The following PCCA variants were observed in gnomAD, a reference collection of about 807,000 sequenced individuals.
PCCA encodes the protein propionyl-CoA carboxylase subunit alpha, also known as propionyl-CoA carboxylase alpha chain, mitochondrial.
PCCA carries 74 observed loss-of-function variants against 101.3 expected under a neutral mutation model. The ratio of observed to expected loss-of-function variants is 0.73; its 90% CI spans 0.61 to 0.89. The LOEUF (loss-of-function observed/expected upper bound fraction) is 0.89, where lower values mean the gene tolerates loss of function less well. Ranked by LOEUF, PCCA falls within the 40% of genes least tolerant of loss-of-function variation. The pLI is 0.00. For synonymous variants in PCCA, 294 were observed against 313.6 expected (o/e 0.94, Z 0.66); for missense variants, 891 against 907.0 (o/e 0.98, Z 0.23).
chr13:100,289,470 C>G (rs1454379864), intron 12 of PCCA, among the ~76,000 whole-genome samples: 2 of 152,096 alleles, frequency 1.3e-5, no homozygotes, highest in African/African-American at 2.4e-5. Context: ...TTCTAAGAAC[C>G]TAATCCAACA....
At chr13:100,209,723 C>G (rs2059093535) in intron 7 of PCCA, among the ~76,000 whole-genome samples, 1 of 150,584 alleles carries the variant, frequency 6.6e-6, no homozygotes. Context: ...CCTCTGCCTC[C>G]TGGGTTCAAG....
chr13:100,121,303 A>T (rs905999542), intron 4 of PCCA, among the ~76,000 whole-genome samples: 2 of 151,432 alleles, frequency 1.3e-5, no homozygotes, highest in African/African-American at 4.9e-5. Flanking sequence ...GGTTACAGGC[A>T]TGCGCCACCA....
chr13:100,171,277 A>G (rs2055607478), intron 6 of PCCA, among the ~76,000 whole-genome samples: 1 of 152,240 alleles, frequency 6.6e-6, no homozygotes, highest in Non-Finnish European at 1.5e-5. Flanking sequence ...GTAAATATTG[A>G]TATATACAAC....
intron 18 of PCCA, among the ~76,000 whole-genome samples, chr13:100,357,478 C>T (rs1257231074): frequency 2.0e-5 from 3 of 152,092 alleles, no homozygotes; most frequent in East Asian, 1.9e-4. Context: ...TATGTGAACC[C>T]GCGTTCTTCC....
intron 17 of PCCA, 91 bp downstream of exon 17, chr13:100,330,762 G>T: frequency 3.8e-6 from 3 of 785,738 alleles, no homozygotes; most frequent in East Asian, 2.7e-5. Context: ...TGAAATTAAG[G>T]CCTTTTGGCT....
intron 12 of PCCA, among the ~76,000 whole-genome samples, chr13:100,296,129 G>A (rs1459928458): frequency 1.3e-5 from 2 of 152,160 alleles, no homozygotes; most frequent in Non-Finnish European, 2.9e-5. Context: ...AACATAGTGG[G>A]AGGATTCTGA....
At chr13:100,133,589 G>GT (rs1043421903) in intron 4 of PCCA, among the ~76,000 whole-genome samples, 9 of 150,968 alleles carry the variant, frequency 6.0e-5, no homozygotes, top group Non-Finnish European at 8.9e-5. Context: ...TTTGTTTTTT[G>GT]TTTTTTTGCA....
chr13:100,226,937 G>T (rs895036294), intron 7 of PCCA, among the ~76,000 whole-genome samples: 5 of 152,194 alleles, frequency 3.3e-5, no homozygotes, highest in African/African-American at 1.2e-4. Flanking sequence ...ATACCAGAGA[G>T]GCACTCTAGT....
chr13:100,198,516 T>C (rs892777738), intron 6 of PCCA: 2 of 148,790 alleles, frequency 1.3e-5, no homozygotes, highest in Admixed American at 6.6e-5. Context: ...TCATTCATTT[T>C]TGAGACGAGT....
intron 20 of PCCA, among the ~76,000 whole-genome samples, chr13:100,441,772 C>T (rs2080385284): frequency 6.6e-6 from 1 of 152,092 alleles, no homozygotes. Context: ...TTGCTATTAG[C>T]ATATCAAGTG....
chr13:100,469,661 A>G (rs2082835367), intron 21 of PCCA, among the ~76,000 whole-genome samples: 1 of 151,828 alleles, frequency 6.6e-6, no homozygotes, highest in Admixed American at 6.6e-5. Context: ...CTGTAGTCTC[A>G]GCTACTCACT....
intron 7 of PCCA, among the ~76,000 whole-genome samples, chr13:100,230,932 G>T (rs1343581693): frequency 6.6e-6 from 1 of 152,068 alleles, no homozygotes; most frequent in African/African-American, 2.4e-5. Flanking sequence ...TCATTTCCTT[G>T]CTCTGAGGCT....
At chr13:100,438,858 C>G (rs778002647) in intron 20 of PCCA, among the ~76,000 whole-genome samples, 2 of 152,124 alleles carry the variant, frequency 1.3e-5, no homozygotes, top group Non-Finnish European at 2.9e-5. Context: ...CAAATGTTGT[C>G]ATTTCAACAT....
At chr13:100,301,944 G>A (rs2066093583) in intron 13 of PCCA, among the ~76,000 whole-genome samples, 1 of 152,104 alleles carries the variant, frequency 6.6e-6, no homozygotes, top group Non-Finnish European at 1.5e-5. Flanking sequence ...ACACTAACAA[G>A]AAGTAGCATT....
intron 20 of PCCA, among the ~76,000 whole-genome samples, chr13:100,427,334 A>G (rs375150775): frequency 4.6e-5 from 7 of 152,236 alleles, no homozygotes; most frequent in African/African-American, 9.6e-5. Context: ...TCAGAGGGAC[A>G]TAGTGTTAAC....
At chr13:100,520,547 A>C (rs1388687784) in intron 22 of PCCA, among the ~76,000 whole-genome samples, 1 of 145,316 alleles carries the variant, frequency 6.9e-6, no homozygotes, top group Non-Finnish European at 1.5e-5. Flanking sequence ...AGGCAGGAGA[A>C]TGGCGTGAAC....
At chr13:100,223,287 G>A (rs928600996) in intron 7 of PCCA, among the ~76,000 whole-genome samples, 2 of 152,112 alleles carry the variant, frequency 1.3e-5, no homozygotes, top group African/African-American at 2.4e-5. Context: ...GCGGACCCTC[G>A]CGGTGAGTGT....
chr13:100,337,570 A>AC (rs925897507), intron 17 of PCCA, among the ~76,000 whole-genome samples: 1 of 152,106 alleles, frequency 6.6e-6, no homozygotes, highest in African/African-American at 2.4e-5. Context: ...GGAACTGAGT[A>AC]CCCCCCTTTT....
intron 19 of PCCA, among the ~76,000 whole-genome samples, chr13:100,424,621 C>T (rs924909668): frequency 6.6e-6 from 1 of 152,176 alleles, no homozygotes; most frequent in Non-Finnish European, 1.5e-5. Context: ...ATTTTTAGGG[C>T]ACCTTATACT....
Sources: allele counts gnomAD v4.1 joint callset (sites outside exome capture counted in the v4.1 genomes callset), GRCh38; gene constraint gnomAD v4.1.1; transcripts MANE v1.5; gene names NCBI Gene and HGNC (gene_info 2026-07-23, HGNC 2026-07-21).